SCAF8: variants seen among roughly 807,000 people sequenced by gnomAD.
SCAF8 encodes SR-related and CTD-associated factor 8.
A neutral mutation model predicts 140.5 loss-of-function variants in SCAF8; 23 were observed. The observed-to-expected ratio is 0.16, with a 90% CI of 0.12 to 0.23. SCAF8 has a LOEUF of 0.23. Among genes scored for constraint, SCAF8 ranks in the 10% least tolerant of loss-of-function variants. SCAF8 has a pLI of 1.00. For synonymous variants in SCAF8, 575 were observed against 528.9 expected, an observed-to-expected ratio of 1.09 and a Z score of -1.20; for missense variants, 1,397 against 1,555.7, an observed-to-expected ratio of 0.90 and a Z score of 1.72.
chr6:154,783,969 A>G (rs1777160058), intron 3 of SCAF8, among the ~76,000 whole-genome samples: 2 of 151,954 alleles, frequency 1.3e-5, no homozygotes, highest in African/African-American at 4.8e-5. Flanking sequence ...CAGGAGGCTG[A>G]GGCAGGAGAA....
chr6:154,757,540 T>C (rs1000113575), intron 1 of SCAF8, among the ~76,000 whole-genome samples: 4 of 152,152 alleles, frequency 2.6e-5, no homozygotes, highest in East Asian at 1.9e-4. Flanking sequence ...TGAAACCTTA[T>C]ACTAAACTAC....
At chr6:154,765,784 G>A (rs565094103) in intron 1 of SCAF8, among the ~76,000 whole-genome samples, 13 of 152,092 alleles carry the variant, frequency 8.5e-5, no homozygotes, top group Non-Finnish European at 1.6e-4. Context: ...AATAGTAAAG[G>A]CATTCATTGA....
rs571672715 is a variant in SCAF8 at position 154,808,745 on chromosome 6, T to G, written c.1173T>G (p.Ala391=). 8 of 1,613,826 alleles carry G rather than the reference T, an allele frequency of 5.0e-6. No individual in the cohort carries two copies. In the Admixed American group the frequency reaches 1.0e-4, roughly 20 times the overall value. Residue 391 remains alanine, a synonymous_variant, in exon 11 of 20, where the codon GCT becomes GCG. Transcript: ENST00000367178. ...AAGAGGAGGTCTTTGAACAAGAAGCTAAGAAAGTGGCGGTTCGCTCAAGAT... is the reference window on the plus strand; with the variant it reads ...AAGAGGAGGTCTTTGAACAAGAAGCGAAGAAAGTGGCGGTTCGCTCAAGAT... ...GVEEEVFEQE[A]KKVAVRSRSR...
At chr6:154,734,907 G>C (rs1207594038) in intron 1 of SCAF8, among the ~76,000 whole-genome samples, 3 of 152,082 alleles carry the variant, frequency 2.0e-5, no homozygotes, top group African/African-American at 7.2e-5. Flanking sequence ...GGCCAATCAC[G>C]AGGTCAGGAG....
intron 6 of SCAF8, among the ~76,000 whole-genome samples, chr6:154,801,165 G>A (rs1777760786): frequency 6.6e-6 from 1 of 151,466 alleles, no homozygotes; most frequent in South Asian, 2.1e-4. Context: ...TTAGTTGATA[G>A]TGAAGTGACT....
chr6:154,802,349 T>G (rs1345117299), intron 7 of SCAF8, among the ~76,000 whole-genome samples: 2 of 152,134 alleles, frequency 1.3e-5, no homozygotes, highest in Non-Finnish European at 2.9e-5. Flanking sequence ...CCAGGCACAG[T>G]GGCTCACACC....
intron 1 of SCAF8, among the ~76,000 whole-genome samples, chr6:154,771,074 A>C (rs1776751963): frequency 6.6e-6 from 1 of 152,182 alleles, no homozygotes; most frequent in Non-Finnish European, 1.5e-5. Flanking sequence ...GTTAAATTTC[A>C]TTAAAGGAAC....
intron 1 of SCAF8, chr6:154,742,065 A>G: frequency 7.8e-7 from 1 of 1,285,206 alleles, no homozygotes; most frequent in South Asian, 1.3e-5. Flanking sequence ...GGAATATGTT[A>G]GGTTTCAATT....
intron 2 of SCAF8, among the ~76,000 whole-genome samples, chr6:154,775,384 CATG>C (rs1160943357): frequency 3.3e-5 from 5 of 152,100 alleles, no homozygotes; most frequent in African/African-American, 1.2e-4. Flanking sequence ...TTTTTATGAT[CATG>C]ATCATTTGAA....
intron 18 of SCAF8, among the ~76,000 whole-genome samples, chr6:154,827,841 G>GGC (rs1015585067): frequency 3.6e-4 from 52 of 145,742 alleles, no homozygotes; most frequent in African/African-American, 1.2e-3. Flanking sequence ...GGGCGGGGGG[G>GGC]GGGGCGGTGT....
Position 154,733,466 on chromosome 6 carries a change from C to G in SCAF8, c.-435C>G. On this transcript the variant is annotated 5_prime_UTR_variant, in exon 1 of 20. Coordinates refer to ENST00000367178, the MANE Select transcript of SCAF8 (RefSeq NM_014892.5). ...CCAGCGCTTCCTCCTCTGTCTTCGC[C>G]GAGCGGGGCTGGTTCCTGCGGCCCG... 7.3e-7 allele frequency: 1 copy of G among 1,368,672 alleles called. No homozygotes were observed. The highest frequency in any genetic ancestry group is 9.4e-7 in the Non-Finnish European group (1 of 1,063,388). The allele number at this position is 1,368,672 out of a possible 1,614,324, so 84.8% of individuals were successfully genotyped here. A position where few individuals can be genotyped will look rare whatever the true frequency, so the allele number is the denominator to read the frequency against.
intron 8 of SCAF8, among the ~76,000 whole-genome samples, chr6:154,804,734 C>T (rs903770028): frequency 6.6e-6 from 1 of 152,148 alleles, no homozygotes; most frequent in African/African-American, 2.4e-5. Context: ...TTCTCACCAT[C>T]CTGTTTGGCT....
intron 13 of SCAF8, among the ~76,000 whole-genome samples, chr6:154,817,857 A>G (rs1198718706): frequency 6.6e-6 from 1 of 152,162 alleles, no homozygotes; most frequent in Non-Finnish European, 1.5e-5. Flanking sequence ...TAGAATAGTT[A>G]AATGCTTTAT....
intron 3 of SCAF8, among the ~76,000 whole-genome samples, chr6:154,787,551 A>G (rs1018256297): frequency 6.6e-6 from 1 of 152,190 alleles, no homozygotes; most frequent in South Asian, 2.1e-4. Context: ...TCTTTCTTCC[A>G]TGTAGCTTTT....
chr6:154,753,371 T>G (rs4599658), intron 1 of SCAF8, among the ~76,000 whole-genome samples: 92,132 of 151,854 alleles, frequency 0.61, 30,627 homozygotes, highest in East Asian at 0.91. Context: ...GGAGGCTGAG[T>G]CAGGAGAATC....
chr6:154,756,012 C>G lies in SCAF8; in HGVS notation c.31-17977C>G, dbSNP rs1778957811. Among the ~76,000 whole-genome samples the G allele has an allele frequency of 2.0e-5, 3 of 152,148 alleles. No homozygotes were observed. In the East Asian group the frequency reaches 5.8e-4, roughly 29 times the overall value. On this transcript the variant is annotated intron_variant, in intron 1 of 19. Coordinates refer to ENST00000367178, the MANE Select transcript of SCAF8 (RefSeq NM_014892.5). ...AATGCTCTTTTCCCAGTCTATTTCACTTACATTTTCTTATTAAACTTTATG... is the reference window on the plus strand; with the variant it reads ...AATGCTCTTTTCCCAGTCTATTTCAGTTACATTTTCTTATTAAACTTTATG...
At chr6:154,735,965 G>C (rs368337112) in intron 1 of SCAF8, among the ~76,000 whole-genome samples, 1 of 151,728 alleles carries the variant, frequency 6.6e-6, no homozygotes, top group African/African-American at 2.4e-5. Context: ...AAGTAGGTGA[G>C]ATTACAGGCC....
intron 4 of SCAF8, among the ~76,000 whole-genome samples, chr6:154,791,259 C>G (rs1370047194): frequency 6.6e-6 from 1 of 152,076 alleles, no homozygotes; most frequent in Non-Finnish European, 1.5e-5. Context: ...CTAAATACTG[C>G]TAATTATGTT....
At chr6:154,779,361 T>C (rs1777016777) in intron 3 of SCAF8, among the ~76,000 whole-genome samples, 1 of 152,148 alleles carries the variant, frequency 6.6e-6, no homozygotes, top group Non-Finnish European at 1.5e-5. Flanking sequence ...TCTTACACTA[T>C]GCCTCATAAA....
Sources: gnomAD v4.1 joint callset for allele counts (sites outside exome capture counted in the v4.1 genomes callset) on GRCh38, gnomAD v4.1.1 for gene constraint, MANE v1.5 for transcripts, NCBI Gene and HGNC (gene_info 2026-07-23, HGNC 2026-07-21) for gene names.